Variants in ESF1 observed in about 807,000 individuals in gnomAD.
The protein encoded by ESF1 is ESF1 nucleolar pre-rRNA processing protein, also known as ESF1 homolog.
ESF1 carries 58 observed loss-of-function variants against 92.0 expected under a neutral mutation model. That is an observed-to-expected ratio of 0.63 (90% CI 0.51 to 0.78). The LOEUF (loss-of-function observed/expected upper bound fraction) is 0.78. Among genes scored for constraint, ESF1 ranks in the 30% least tolerant of loss-of-function variants. The pLI is 0.00. For missense variants in ESF1, 922 were observed against 989.1 expected (o/e 0.93, Z 0.91); for synonymous variants, 321 against 313.7 (o/e 1.02, Z -0.24).
At chr20:13,783,310 C>T (rs569988297) in intron 1 of ESF1, 127 bp from the exon 2 acceptor site, 2 of 775,354 alleles carry the variant, frequency 2.6e-6, no homozygotes, top group East Asian at 5.6e-5. Flanking sequence ...ATAGAGGTAA[C>T]AAGTCTAATT....
chr20:13,761,764 T>G (rs6042351), intron 8 of ESF1, among the ~76,000 whole-genome samples: 111,231 of 152,130 alleles, frequency 0.73, 41,031 homozygotes, highest in East Asian at 0.9. Context: ...CAAAGAAACA[T>G]TATAAAATTC....
chr20:13,747,904 A>G (rs1273617694), intron 9 of ESF1, among the ~76,000 whole-genome samples: 1 of 152,206 alleles, frequency 6.6e-6, no homozygotes, highest in Non-Finnish European at 1.5e-5. Context: ...GGTATGACCT[A>G]TTGCTCCTAG....
intron 8 of ESF1, among the ~76,000 whole-genome samples, chr20:13,765,980 A>C (rs1979410245): frequency 6.6e-6 from 1 of 152,216 alleles, no homozygotes; most frequent in African/African-American, 2.4e-5. Flanking sequence ...CTCCATAAGT[A>C]AAAAATATAA....
At chr20:13,745,919 C>T (rs2050045430) in intron 9 of ESF1, among the ~76,000 whole-genome samples, 1 of 152,138 alleles carries the variant, frequency 6.6e-6, no homozygotes, top group African/African-American at 2.4e-5. Flanking sequence ...GGAAGTCACA[C>T]AGAGGACTGC....
chr20:13,718,178 C>T (rs926937789), intron 12 of ESF1, among the ~76,000 whole-genome samples: 18 of 152,152 alleles, frequency 1.2e-4, no homozygotes, highest in Non-Finnish European at 2.1e-4. Flanking sequence ...TCCTATATTA[C>T]CACTTTAGAC....
chr20:13,720,833 A>G (rs1002309036), intron 11 of ESF1, among the ~76,000 whole-genome samples: 1 of 152,244 alleles, frequency 6.6e-6, no homozygotes, highest in African/African-American at 2.4e-5. Flanking sequence ...ATTAAAAACA[A>G]GAAACGGCTG....
chr20:13,731,918 C>T (rs1600270445), intron 10 of ESF1, among the ~76,000 whole-genome samples: 1 of 152,230 alleles, frequency 6.6e-6, no homozygotes. Context: ...GGGTGGAGCG[C>T]CCAGGGAGGC....
chr20:13,748,538 A>G lies in ESF1; in HGVS notation c.1828+11154T>C, dbSNP rs1354925899. ...TATACACATATATATATACACATAT[A>G]TATGTGTGTGTATATATATATATAT... On this transcript the variant is annotated intron_variant, in intron 9 of 13. Transcript: ENST00000617257. 6.3e-4 allele frequency among the ~76,000 whole-genome samples: 48 copies of G among 76,282 alleles called. No homozygotes were observed. The South Asian group carries it at 0.014, about 22-fold the overall frequency. 50.0% of individuals were successfully genotyped at this position (76,282 alleles called of 152,430 possible).
chr20:13,770,342 T>G (rs1375568574), intron 6 of ESF1, among the ~76,000 whole-genome samples: 1 of 152,166 alleles, frequency 6.6e-6, no homozygotes, highest in Non-Finnish European at 1.5e-5. Context: ...GATCCAGACT[T>G]CTGATAGTGC....
chr20:13,745,867 A>G (rs1283871863), intron 9 of ESF1, among the ~76,000 whole-genome samples: 2 of 152,162 alleles, frequency 1.3e-5, no homozygotes, highest in Admixed American at 6.6e-5. Context: ...TATCTGCGGT[A>G]AAACTATATA....
intron 9 of ESF1, among the ~76,000 whole-genome samples, chr20:13,741,855 C>T (rs2050015441): frequency 6.6e-6 from 1 of 152,162 alleles, no homozygotes; most frequent in East Asian, 1.9e-4. Flanking sequence ...AAGATATTAG[C>T]TGTCTTATAC....
intron 6 of ESF1, among the ~76,000 whole-genome samples, chr20:13,770,740 A>G (rs1979646458): frequency 6.6e-6 from 1 of 152,244 alleles, no homozygotes; most frequent in African/African-American, 2.4e-5. Flanking sequence ...ACTGAAAACA[A>G]GGGAAAGCTT....
At chr20:13,779,955 A>G (rs1980105941) in intron 2 of ESF1, among the ~76,000 whole-genome samples, 1 of 152,224 alleles carries the variant, frequency 6.6e-6, no homozygotes, top group Non-Finnish European at 1.5e-5. Context: ...ATGATGACAA[A>G]TATCACACTG....
At chr20:13,780,202 A>C (rs1047831166) in intron 2 of ESF1, among the ~76,000 whole-genome samples, 2 of 152,246 alleles carry the variant, frequency 1.3e-5, no homozygotes, top group South Asian at 4.1e-4. Flanking sequence ...ATGTCCTTAC[A>C]TAAGTCACTT....
At position 13,779,423 on chromosome 20, in the gene ESF1, T is replaced by C. The variant is rs187513700; in HGVS notation, c.637+3081A>G. 3.9e-5 allele frequency among the ~76,000 whole-genome samples: 6 copies of C among 152,372 alleles called. No individual in the cohort carries two copies. In the East Asian group the frequency reaches 1.2e-3, roughly 29 times the overall value. ...CTTTTCTTTAATTTAAATACTAATT[T>C]GTTTAAAATAACTGGTCATATCGTT... On this transcript the variant is annotated intron_variant, in intron 2 of 13. Coordinates refer to ENST00000617257, the MANE Select transcript of ESF1 (RefSeq NM_001276380.2).
At chr20:13,769,685 C>T (rs537289225) in intron 7 of ESF1, among the ~76,000 whole-genome samples, 5 of 152,300 alleles carry the variant, frequency 3.3e-5, no homozygotes, top group African/African-American at 9.6e-5. Context: ...ACTTGGGCAG[C>T]TGAGGCACGA....
At chr20:13,766,535 T>A (rs558220799) in intron 8 of ESF1, among the ~76,000 whole-genome samples, 30 of 152,290 alleles carry the variant, frequency 2.0e-4, no homozygotes, top group Non-Finnish European at 3.7e-4. Context: ...AGAAACTGAG[T>A]GACCATATGC....
At chr20:13,723,110 T>C (rs1189698142) in intron 11 of ESF1, among the ~76,000 whole-genome samples, 1 of 152,240 alleles carries the variant, frequency 6.6e-6, no homozygotes, top group African/African-American at 2.4e-5. Flanking sequence ...CCATTACTTA[T>C]AATGTCAGAG....
chr20:13,727,104 C>T (rs148238103), intron 11 of ESF1, among the ~76,000 whole-genome samples: 3 of 152,198 alleles, frequency 2.0e-5, no homozygotes, highest in East Asian at 3.8e-4. Flanking sequence ...GAATCCTATT[C>T]TGAGTTCTGC....
Sources: gnomAD v4.1 joint callset for allele counts (sites outside exome capture counted in the v4.1 genomes callset) on GRCh38, gnomAD v4.1.1 for gene constraint, MANE v1.5 for transcripts, NCBI Gene and HGNC (gene_info 2026-07-23, HGNC 2026-07-21) for gene names.